GTPBP4: variants seen among roughly 807,000 people sequenced by gnomAD.
The protein encoded by GTPBP4 is GTP binding protein 4.
A neutral mutation model predicts 81.7 loss-of-function variants in GTPBP4; 15 were observed. The observed-to-expected ratio is 0.18, with a 90% CI of 0.12 to 0.28. The LOEUF is 0.28. GTPBP4 is among the 10% of genes least tolerant of loss of function. GTPBP4 has a pLI of 1.00. For missense variants in GTPBP4, 847 were observed against 793.8 expected (o/e 1.07, Z -0.81); for synonymous variants, 272 against 274.6 (o/e 0.99, Z 0.09).
intron 4 of GTPBP4, 106 bp downstream of exon 4, chr10:996,348 G>A (rs1831538139): frequency 1.1e-6 from 1 of 932,702 alleles, no homozygotes; most frequent in Non-Finnish European, 1.6e-6. Context: ...GAGATGACAG[G>A]GTCAGTTATT....
At position 1,005,825 on chromosome 10, in the gene GTPBP4, T is replaced by A; in HGVS notation, c.920T>A (p.Phe307Tyr). ...TTTTCTTTGCATTCCCAGAAAATAT[T>A]TACAGATTTGCAGTCTGAAGGATTC... ...AELSEDDQKI[F>Y]TDLQSEGFPV... The change falls in exon 9 of 17, where the codon TTT becomes TAT. Residue 307 changes from phenylalanine to tyrosine, a missense_variant. By Grantham distance (22) the Phe-to-Tyr change is conservative. Around this residue, in one of 3 missense-constraint regions of GTPBP4, gnomAD observed 600 missense variants for 557.1 expected, o/e 1.08. Coordinates refer to ENST00000360803, the MANE Select transcript of GTPBP4 (RefSeq NM_012341.3). The A allele has an allele frequency of 6.3e-7, 1 of 1,575,622 alleles. No individual in the cohort carries two copies.
intron 1 of GTPBP4, 166 bp downstream of exon 1, chr10:988,693 C>G (rs767192111): frequency 3.7e-5 from 23 of 615,988 alleles, no homozygotes; most frequent in Non-Finnish European, 6.1e-5. Context: ...TTCCCCTCCC[C>G]CAGCAGAATC....
intron 14 of GTPBP4, among the ~76,000 whole-genome samples, chr10:1,013,478 C>T (rs1017843338): frequency 1.3e-5 from 2 of 151,570 alleles, no homozygotes; most frequent in Non-Finnish European, 2.9e-5. Context: ...GGCGTGGTGG[C>T]GGGCGCCTGT....
At chr10:991,689 C>CTTTTTTT (rs778451253) in intron 1 of GTPBP4, among the ~76,000 whole-genome samples, 1 of 74,818 alleles carries the variant, frequency 1.3e-5, no homozygotes, top group Non-Finnish European at 2.4e-5. Flanking sequence ...TAAAATTTAT[C>CTTTTTTT]TTTTTTTTTT....
chr10:999,199 A>G (rs537409728), intron 6 of GTPBP4, 104 bp downstream of exon 6: 9 of 684,542 alleles, frequency 1.3e-5, no homozygotes, highest in African/African-American at 1.2e-4. Flanking sequence ...GTCCACTGCA[A>G]CCTTCACCTC....
intron 4 of GTPBP4, chr10:996,997 C>T: frequency 1.8e-6 from 1 of 548,672 alleles, no homozygotes; most frequent in Non-Finnish European, 3.2e-6. Context: ...GAATATGATT[C>T]TTACCAGAGC....
intron 2 of GTPBP4, 24 bp downstream of exon 2, chr10:992,683 T>C (rs752546673): frequency 2.7e-6 from 4 of 1,493,864 alleles, no homozygotes; most frequent in Non-Finnish European, 3.7e-6. Flanking sequence ...GGGACTTCTG[T>C]GGTTATGTAA....
rs1455560208 is a variant in GTPBP4, at chr10:1,011,466, T to TTCTCTCA, written c.1344+946_1344+947insTCTCTCA. Among the ~76,000 whole-genome samples the TTCTCTCA allele has an allele frequency of 6.0e-5, 9 of 150,288 alleles. No individual in the cohort carries two copies. The South Asian group carries it at 6.2e-4, about 10-fold the overall frequency. The stretch of plus-strand genomic sequence containing the variant: ...ATACAATACTTGCTGTCCTGCCTTC[T>TTCTCTCA]GCTCTCAGCTGAGCTCTCTGGAACA... On this transcript the variant is annotated intron_variant, in intron 13 of 16. Coordinates refer to ENST00000360803, the MANE Select transcript of GTPBP4 (RefSeq NM_012341.3).
chr10:1,012,814 C>T (rs556380101), intron 14 of GTPBP4, 152 bp downstream of exon 14: 140 of 615,550 alleles, frequency 2.3e-4, no homozygotes, highest in Non-Finnish European at 3.8e-4. Context: ...AGATCGCTCA[C>T]GTATTGATCT....
At chr10:990,823 AGAG>A (rs1831428652) in intron 1 of GTPBP4, among the ~76,000 whole-genome samples, 3 of 149,170 alleles carry the variant, frequency 2.0e-5, no homozygotes, top group African/African-American at 5.0e-5. Flanking sequence ...ATGGATTGGG[AGAG>A]GAGAAGAGTG....
chr10:996,334 T>G, intron 4 of GTPBP4, 92 bp downstream of exon 4: 1 of 1,145,024 alleles, frequency 8.7e-7, no homozygotes, highest in Non-Finnish European at 1.2e-6. Flanking sequence ...TTTCTTGTAT[T>G]TTGGAGATGA....
Position 1,001,141 on chromosome 10 carries a change from T to C in GTPBP4, c.912+128T>C, listed in dbSNP as rs1831623714. ...CAATTGTATTTTATAGTTGAGATAA[T>C]ATCCTCAGTGGTTTAGTGAAAAGAC... is the stretch of plus-strand genomic sequence containing the variant. On this transcript the variant is annotated intron_variant, in intron 8 of 16. Transcript: ENST00000360803. 5 of 662,460 alleles carry C rather than the reference T, an allele frequency of 7.5e-6. No individual in the cohort carries two copies. The South Asian group carries it at 9.1e-5, about 12-fold the overall frequency. The allele number at this position is 662,460 out of a possible 1,614,324, so 41.0% of individuals were successfully genotyped here.
intron 1 of GTPBP4, chr10:988,747 C>CCAAGACCG: frequency 1.8e-6 from 1 of 559,634 alleles, no homozygotes; most frequent in South Asian, 2.1e-5. Flanking sequence ...CGGGGTCCAC[C>CCAAGACCG]TAAGACCGTG....
At position 992,490 on chromosome 10, in the gene GTPBP4, A is replaced by T; in HGVS notation, c.50A>T (p.Asp17Val). Residue 17 changes from aspartate to valine, a missense_variant and splice_region_variant, in exon 2 of 17, where the codon GAC (aspartate) becomes GTC (valine). Around this residue, in one of 3 missense-constraint regions of GTPBP4, gnomAD observed 241 missense variants for 216.3 expected, o/e 1.11. Transcript: ENST00000360803. ...ATGTTTTATTTTCTTTAATTGCAGG[A>T]CTTCATAGACCTCACGTTGTCGAAG... ...KKITVVPSAK[D>V]FIDLTLSKTQ... 1 of 1,578,778 alleles carries T rather than the reference A, an allele frequency of 6.3e-7. No individual in the cohort carries two copies. The highest frequency in any genetic ancestry group is 8.7e-7 in the Non-Finnish European group (1 of 1,150,198).
chr10:998,888 G>A (rs941761324), intron 5 of GTPBP4, 115 bp from the exon 6 acceptor site: 47 of 683,602 alleles, frequency 6.9e-5, no homozygotes, highest in East Asian at 3.5e-4. Flanking sequence ...CAGTTTTATC[G>A]TGTGAGGTTT....
intron 7 of GTPBP4, 26 bp from the exon 8 acceptor site, chr10:1,000,922 T>A: frequency 6.3e-7 from 1 of 1,599,956 alleles, no homozygotes; most frequent in Non-Finnish European, 8.6e-7. Context: ...AGAATAATGA[T>A]TTCATTATTT....
At chr10:1,002,538 A>C (rs1831654474) in intron 8 of GTPBP4, among the ~76,000 whole-genome samples, 2 of 152,128 alleles carry the variant, frequency 1.3e-5, no homozygotes, top group Non-Finnish European at 2.9e-5. Flanking sequence ...CATGATAGTG[A>C]TTATTGTCTT....
At chr10:1,010,726 C>T (rs564658673) in intron 13 of GTPBP4, among the ~76,000 whole-genome samples, 11 of 144,056 alleles carry the variant, frequency 7.6e-5, no homozygotes, top group African/African-American at 2.3e-4. Context: ...GCTGGCCTGC[C>T]CCCTTCCCGC....
At chr10:1,000,439 G>A (rs531290216) in intron 6 of GTPBP4, among the ~76,000 whole-genome samples, 14 of 151,456 alleles carry the variant, frequency 9.2e-5, no homozygotes, top group Admixed American at 2.0e-4. Flanking sequence ...GGGTTTTGCC[G>A]TGTGAGCCAG....
Sources: allele counts gnomAD v4.1 joint callset (sites outside exome capture counted in the v4.1 genomes callset), GRCh38; gene constraint gnomAD v4.1.1; regional missense constraint gnomAD v4.1.1; transcripts MANE v1.5; gene names NCBI Gene and HGNC (gene_info 2026-07-23, HGNC 2026-07-21).